DOP1B: variants seen among roughly 807,000 people sequenced by gnomAD.
DOP1B encodes the protein protein DOP1B.
DOP1B carries 174 observed loss-of-function variants against 233.5 expected under a neutral mutation model. The observed-to-expected ratio is 0.75, with a 90% CI of 0.66 to 0.85. DOP1B has a LOEUF of 0.85. Ranked by LOEUF, DOP1B falls within the 40% of genes least tolerant of loss-of-function variation. The pLI, the probability that DOP1B is intolerant of heterozygous loss-of-function variation, is 0.00. For synonymous variants in DOP1B, 1,190 were observed against 1,185.6 expected (o/e 1.00, Z -0.08); for missense variants, 2,652 against 2,846.6 (o/e 0.93, Z 1.56).
rs565758339 is a variant in DOP1B, at chr21:36,235,872, G to A, written c.2623-1390G>A. On this transcript the variant is annotated intron_variant, in intron 15 of 36. Transcript: ENST00000691173. ...GTGACAGCAAGGAAGTCGGGGGGGG[G>A]GCGGTCTACGTAGTCAAAAAGTTAT... Among the ~76,000 whole-genome samples, 9 of 147,596 alleles carry A rather than the reference G, an allele frequency of 6.1e-5. No individual in the cohort carries two copies. The East Asian group carries it at 1.1e-3, about 17-fold the overall frequency.
At chr21:36,159,478 T>C (rs1312203146) in intron 1 of DOP1B, among the ~76,000 whole-genome samples, 4 of 152,088 alleles carry the variant, frequency 2.6e-5, no homozygotes, top group East Asian at 1.9e-4. Context: ...AACAAATGCA[T>C]GCATAAATGG....
At chr21:36,289,427 GT>G (rs2067531022) in intron 35 of DOP1B, among the ~76,000 whole-genome samples, 11 of 10,206 alleles carry the variant, frequency 1.1e-3, no homozygotes, top group Middle Eastern at 0.067. Context: ...TTTCTATGGT[GT>G]GTGTGTGTGT....
At chr21:36,168,888 C>T (rs1601376798) in intron 2 of DOP1B, 2 of 451,042 alleles carry the variant, frequency 4.4e-6, no homozygotes, top group African/African-American at 4.1e-5. Flanking sequence ...TGGTCTCTCC[C>T]TGTGGGTTTT....
At chr21:36,254,008 G>T in intron 23 of DOP1B, 99 bp downstream of exon 23, 1 of 1,441,694 alleles carries the variant, frequency 6.9e-7, no homozygotes, top group South Asian at 1.3e-5. Context: ...GGGAAGGATA[G>T]GTAACAAGAG....
chr21:36,270,775 G>A (rs977305047), intron 27 of DOP1B, among the ~76,000 whole-genome samples: 62 of 150,404 alleles, frequency 4.1e-4, no homozygotes, highest in African/African-American at 1.4e-3. Context: ...TTAGCCGCGC[G>A]TGGTAGTGGG....
At chr21:36,277,331 G>A (rs1366763310) in intron 28 of DOP1B, among the ~76,000 whole-genome samples, 5 of 152,062 alleles carry the variant, frequency 3.3e-5, no homozygotes, top group African/African-American at 4.8e-5. Context: ...TTGCCAGGCT[G>A]GAGTGCAGTG....
rs1555886164 is a variant in DOP1B at position 36,176,103 on chromosome 21, T to TGTGTGTGTGTGTGTGTGTGTGC, written c.138+11251_138+11252insTGCGTGTGTGTGTGTGTGTGTG. ...CGACTTTGGGGTGTGTGTGCGTGTG[T>TGTGTGTGTGTGTGTGTGTGTGC]GTGTGTGTGTGTGTGTGTGGTGATA... On this transcript the variant is annotated intron_variant, in intron 2 of 36. Coordinates refer to ENST00000691173, the MANE Select transcript of DOP1B (RefSeq NM_001320714.2). 7.7e-5 allele frequency among the ~76,000 whole-genome samples: 11 copies of TGTGTGTGTGTGTGTGTGTGTGC among 142,038 alleles called. No individual in the cohort carries two copies. In the East Asian group the frequency reaches 8.0e-4, roughly 10 times the overall value. The allele number at this position is 142,038 out of a possible 152,430, so 93.2% of individuals were successfully genotyped here.
intron 22 of DOP1B, among the ~76,000 whole-genome samples, chr21:36,252,503 G>A (rs1601451333): frequency 7.1e-6 from 1 of 141,208 alleles, no homozygotes. Context: ...TGATAATAAA[G>A]AAAATTGAAA....
intron 24 of DOP1B, among the ~76,000 whole-genome samples, chr21:36,262,385 G>A (rs905492740): frequency 6.6e-6 from 1 of 152,212 alleles, no homozygotes; most frequent in African/African-American, 2.4e-5. Context: ...TTGGACCTGG[G>A]ACACTCTGAC....
chr21:36,223,430 G>T, intron 11 of DOP1B, 80 bp downstream of exon 11: 1 of 1,535,078 alleles, frequency 6.5e-7, no homozygotes, highest in South Asian at 1.3e-5. Flanking sequence ...TAGAATATCA[G>T]ATTATATATA....
chr21:36,180,545 C>T lies in DOP1B; in HGVS notation c.138+15674C>T, dbSNP rs368785656. On this transcript the variant is annotated intron_variant, in intron 2 of 36. Transcript: ENST00000691173. The stretch of plus-strand genomic sequence containing the variant: ...GAGATCAGGCCTGGGCAATAGACGG[C>T]GCTCCAGCCTGGGCAAGAGTGAAAC... Among the ~76,000 whole-genome samples the T allele has an allele frequency of 6.0e-5, 9 of 151,220 alleles. No homozygotes were observed. In the East Asian group the frequency reaches 7.8e-4, roughly 13 times the overall value.
rs139195617 is a variant in DOP1B at position 36,246,442 on chromosome 21, G to C, written c.4462G>C (p.Val1488Leu). ...GCAGGCCATCAGCGCCCTGCAGTAC[G>C]TGCAGCCCCACCCCCTCACCTCCCA... ...FQQAISALQY[V>L]QPHPLTSQGL... Residue 1488 changes from valine to leucine, a missense_variant, in exon 19 of 37, where the codon GTG becomes CTG. Transcript: ENST00000691173. The surrounding 1 kb of genome is among the most constrained non-coding windows in gnomAD (Gnocchi z 5.1). The C allele has an allele frequency of 1.9e-6, 3 of 1,613,718 alleles. No homozygotes were observed. Among genetic ancestry groups the C allele is most frequent in the South Asian group, 2.2e-5 (2 of 91,032 alleles).
rs116402465 is a variant in DOP1B, at chr21:36,214,790, A to G, written c.1129+234A>G. ...CTGTAATCCTAGCACTTTGGGAGGTAGAGGAAGGAAGATCACTTGAGCTCA... is the reference window on the plus strand; with the variant it reads ...CTGTAATCCTAGCACTTTGGGAGGTGGAGGAAGGAAGATCACTTGAGCTCA... On this transcript the variant is annotated intron_variant, in intron 9 of 36. Transcript: ENST00000691173. Among the ~76,000 whole-genome samples the G allele has an allele frequency of 5.0e-3, 762 of 152,244 alleles. 6 individuals are homozygous for G. Among genetic ancestry groups the G allele is most frequent in the African/African-American group, 0.017 (696 of 41,548 alleles).
intron 9 of DOP1B, among the ~76,000 whole-genome samples, chr21:36,216,866 G>A (rs1448326876): frequency 6.6e-6 from 1 of 152,006 alleles, no homozygotes; most frequent in East Asian, 1.9e-4. Flanking sequence ...CTTGAGGTGA[G>A]GAGTTTGAGA....
intron 15 of DOP1B, among the ~76,000 whole-genome samples, chr21:36,235,540 A>G (rs896507940): frequency 1.3e-5 from 2 of 151,978 alleles, no homozygotes; most frequent in African/African-American, 4.8e-5. Context: ...TCTGGCCAAC[A>G]CGGCAAAATC....
At chr21:36,250,230 G>A (rs1168845934) in intron 21 of DOP1B, among the ~76,000 whole-genome samples, 2 of 152,212 alleles carry the variant, frequency 1.3e-5, no homozygotes, top group Admixed American at 6.5e-5. Flanking sequence ...TGGCTCAGTT[G>A]TATCTAATGT....
intron 12 of DOP1B, among the ~76,000 whole-genome samples, chr21:36,226,067 T>C (rs543321963): frequency 2.0e-5 from 3 of 152,308 alleles, no homozygotes; most frequent in Non-Finnish European, 4.4e-5. Context: ...TATTAGAAAG[T>C]GTAAAGCCAC....
At chr21:36,176,087 G>GGTGTGTGTGCGTGTGTGTGT (rs2066021848) in intron 2 of DOP1B, among the ~76,000 whole-genome samples, 1 of 96,594 alleles carries the variant, frequency 1.0e-5, no homozygotes, top group African/African-American at 3.5e-5. Flanking sequence ...TCGACTTTGG[G>GGTGTGTGTGCGTGTGTGTGT]GTGTGTGTGC....
intron 24 of DOP1B, among the ~76,000 whole-genome samples, chr21:36,262,283 C>T (rs200837059): frequency 9.9e-5 from 15 of 152,238 alleles, no homozygotes; most frequent in Admixed American, 6.5e-5. Context: ...CTGAGCTTTC[C>T]CAGGAGCTGC....
Sources: gnomAD v4.1 joint callset for allele counts (sites outside exome capture counted in the v4.1 genomes callset) on GRCh38, gnomAD v4.1.1 for gene constraint, Gnocchi (gnomAD v3.1) non-coding constraint, MANE v1.5 for transcripts, NCBI Gene and HGNC (gene_info 2026-07-23, HGNC 2026-07-21) for gene names.